Variants in DOCK1 observed in about 807,000 individuals in gnomAD.
DOCK1 encodes the protein dedicator of cytokinesis 1.
DOCK1 carries 138 observed loss-of-function variants against 262.7 expected under a neutral mutation model. The observed-to-expected ratio is 0.53, with a 90% CI of 0.46 to 0.61. The LOEUF is 0.61. Ranked by LOEUF, DOCK1 falls within the 20% of genes least tolerant of loss-of-function variation. The pLI is 0.00. For missense variants in DOCK1, 1,908 were observed against 2,370.7 expected (o/e 0.80, Z 4.05); for synonymous variants, 866 against 867.4 (o/e 1.00, Z 0.03).
intron 18 of DOCK1, among the ~76,000 whole-genome samples, chr10:127,037,240 A>G (rs1256658423): frequency 2.0e-5 from 3 of 152,178 alleles, no homozygotes; most frequent in Non-Finnish European, 4.4e-5. Context: ...GAGCTACTGT[A>G]GCTGTGGGGA....
chr10:127,191,496 C>A (rs899561466), intron 27 of DOCK1, among the ~76,000 whole-genome samples: 2 of 152,138 alleles, frequency 1.3e-5, no homozygotes, highest in Non-Finnish European at 1.5e-5. Flanking sequence ...AAATCACTTA[C>A]TACAAAAATA....
chr10:127,026,571 C>T, intron 16 of DOCK1, 147 bp downstream of exon 16: 1 of 752,286 alleles, frequency 1.3e-6, no homozygotes, highest in Non-Finnish European at 2.2e-6. Context: ...TGGAAACATT[C>T]TTCTCTCTTT....
intron 19 of DOCK1, among the ~76,000 whole-genome samples, chr10:127,038,403 C>T (rs1011018362): frequency 5.3e-5 from 8 of 152,300 alleles, no homozygotes; most frequent in South Asian, 2.1e-4. Flanking sequence ...ACAGGACTCA[C>T]AACAGTTCAG....
chr10:127,370,731 G>A (rs1453338190), intron 33 of DOCK1, among the ~76,000 whole-genome samples: 2 of 152,124 alleles, frequency 1.3e-5, no homozygotes, highest in Non-Finnish European at 2.9e-5. Context: ...ATCGCTTCGA[G>A]CACAGCCCCC....
chr10:127,234,075 A>G (rs2058955350), intron 27 of DOCK1, among the ~76,000 whole-genome samples: 2 of 152,232 alleles, frequency 1.3e-5, no homozygotes, highest in South Asian at 4.1e-4. Flanking sequence ...ACCAACATTC[A>G]AAATAATAGT....
chr10:127,260,775 ATGTGGG>A (rs1467163815), intron 29 of DOCK1, among the ~76,000 whole-genome samples: 8 of 80,496 alleles, frequency 9.9e-5, no homozygotes, highest in African/African-American at 4.3e-4. Flanking sequence ...GTGTGTGTGC[ATGTGGG>A]TGTGTGTGTG....
intron 35 of DOCK1, among the ~76,000 whole-genome samples, chr10:127,376,529 C>T (rs1041184796): frequency 3.9e-5 from 6 of 152,182 alleles, no homozygotes; most frequent in African/African-American, 1.2e-4. Flanking sequence ...AAGAACCTGG[C>T]GCTTACTTCA....
intron 28 of DOCK1, among the ~76,000 whole-genome samples, chr10:127,252,132 G>A (rs1360119576): frequency 1.4e-5 from 2 of 145,568 alleles, no homozygotes; most frequent in East Asian, 4.1e-4. Context: ...TTCTCTGATG[G>A]CCAGTGATGG....
chr10:127,102,547 A>G (rs1426416663), intron 23 of DOCK1, among the ~76,000 whole-genome samples: 1 of 152,234 alleles, frequency 6.6e-6, no homozygotes, highest in East Asian at 1.9e-4. Context: ...ATTAAGGTAT[A>G]GGCTGGACAC....
At chr10:127,146,072 C>T (rs552809612) in intron 27 of DOCK1, 51 of 514,674 alleles carry the variant, frequency 9.9e-5, no homozygotes, top group South Asian at 6.1e-4. Context: ...GACTGCGTCC[C>T]GTATTTACCC....
chr10:127,385,857 T>C (rs1485289579), intron 38 of DOCK1, among the ~76,000 whole-genome samples: 1 of 152,238 alleles, frequency 6.6e-6, no homozygotes, highest in Non-Finnish European at 1.5e-5. Flanking sequence ...CATGCGAGTT[T>C]CTGTCTCAGT....
chr10:127,224,107 C>G (rs1405121464), intron 27 of DOCK1, among the ~76,000 whole-genome samples: 2 of 152,164 alleles, frequency 1.3e-5, no homozygotes, highest in African/African-American at 2.4e-5. Context: ...CTTATATAGA[C>G]ATGCTCTTTC....
Position 127,175,721 on chromosome 10 carries a change from G to T in DOCK1, c.2847+47957G>T. ...TCCCCCGGTCCTGCTTGGCCCTCCC[G>T]AGCAGCTGGTAATCGGGCTCTTCGG... is the stretch of plus-strand genomic sequence containing the variant. On this transcript the variant is annotated intron_variant, in intron 27 of 51. Transcript: ENST00000623213. This position sits in a 1 kb window ranked among gnomAD's most constrained non-coding sequence, Gnocchi z 6.3. 6.2e-7 allele frequency: 1 copy of T among 1,613,958 alleles called. No homozygotes were observed. Among genetic ancestry groups the T allele is most frequent in the Non-Finnish European group, 8.5e-7 (1 of 1,179,992 alleles).
chr10:127,063,251 G>A lies in DOCK1; in HGVS notation c.2445+1475G>A, dbSNP rs116720401. On this transcript the variant is annotated intron_variant, in intron 23 of 51. Transcript: ENST00000623213. ...TATAATTTTAGAAGGCATTCTTATGGCTAGTGTCTTAAAAATATTTTGGTC... is the reference window on the plus strand; with the variant it reads ...TATAATTTTAGAAGGCATTCTTATGACTAGTGTCTTAAAAATATTTTGGTC... Among the ~76,000 whole-genome samples the A allele has an allele frequency of 3.6e-3, 549 of 152,204 alleles. 4 individuals are homozygous for A. The highest frequency in any genetic ancestry group is 0.012 in the African/African-American group (503 of 41,530).
intron 32 of DOCK1, among the ~76,000 whole-genome samples, chr10:127,359,440 C>CT (rs558973427): frequency 1.2e-3 from 181 of 152,262 alleles, no homozygotes; most frequent in African/African-American, 4.1e-3. Context: ...AACTTTATGA[C>CT]GCTGAAATTG....
At chr10:127,077,649 T>C (rs949755456) in intron 23 of DOCK1, among the ~76,000 whole-genome samples, 1 of 152,058 alleles carries the variant, frequency 6.6e-6, no homozygotes, top group African/African-American at 2.4e-5. Flanking sequence ...CCATGAGGAA[T>C]GTACAGTGGA....
rs367840893 is a variant in DOCK1, at chr10:127,176,172, G to A, written c.2847+48408G>A. On this transcript the variant is annotated intron_variant, in intron 27 of 51. Coordinates refer to ENST00000623213, the MANE Select transcript of DOCK1 (RefSeq NM_001290223.2). This position sits in a 1 kb window ranked among gnomAD's most constrained non-coding sequence, Gnocchi z 4.4. Reference sequence around the variant, plus strand: ...GGCTGCTCTGCAGGACACGGGCTTGGCCTCCCGCTTCTCCCCCAGCTGGCC... The same window carrying A: ...GGCTGCTCTGCAGGACACGGGCTTGACCTCCCGCTTCTCCCCCAGCTGGCC... 14 of 1,613,992 alleles carry A rather than the reference G, an allele frequency of 8.7e-6. No individual in the cohort carries two copies. Among genetic ancestry groups the A allele is most frequent in the Non-Finnish European group, 1.2e-5 (14 of 1,180,034 alleles).
rs540863812 is a variant in DOCK1 at position 127,359,246 on chromosome 10, C to CTATGGA, written c.3284-2818_3284-2817insTATGGA. ...GTCAGTGCCCAGGGCTGTCACTATC[C>CTATGGA]ATAGAACCCAGTACCAGCTCCAGGC... On this transcript the variant is annotated intron_variant, in intron 32 of 51. Coordinates refer to ENST00000623213, the MANE Select transcript of DOCK1 (RefSeq NM_001290223.2). Among the ~76,000 whole-genome samples the CTATGGA allele has an allele frequency of 9.4e-3, 1,431 of 152,272 alleles. 8 individuals carry two copies. Among genetic ancestry groups the CTATGGA allele is most frequent in the African/African-American group, 0.016 (649 of 41,554 alleles).
chr10:127,022,700 C>T (rs1047260041), intron 13 of DOCK1, among the ~76,000 whole-genome samples: 2 of 152,142 alleles, frequency 1.3e-5, no homozygotes, highest in African/African-American at 4.8e-5. Context: ...CTGGCCGGTC[C>T]TCATTCTTAA....
Sources: gnomAD v4.1 joint callset for allele counts (sites outside exome capture counted in the v4.1 genomes callset) on GRCh38, gnomAD v4.1.1 for gene constraint, Gnocchi (gnomAD v3.1) non-coding constraint, MANE v1.5 for transcripts, NCBI Gene and HGNC (gene_info 2026-07-23, HGNC 2026-07-21) for gene names.